The following NEK11 variants were observed in gnomAD, a reference collection of about 807,000 sequenced individuals.
The protein encoded by NEK11 is NIMA related kinase 11, also known as serine/threonine-protein kinase Nek11.
A neutral mutation model predicts 80.7 loss-of-function variants in NEK11; 72 were observed. The ratio of observed to expected loss-of-function variants is 0.89; its 90% CI spans 0.74 to 1.08. The LOEUF (loss-of-function observed/expected upper bound fraction) is 1.08. Ranked by LOEUF, NEK11 falls within the 50% of genes least tolerant of loss-of-function variation. NEK11 has a pLI of 0.00. For synonymous variants in NEK11, 251 were observed against 260.7 expected (o/e 0.96, Z 0.36); for missense variants, 764 against 763.6 (o/e 1.00, Z -0.01).
intron 14 of NEK11, among the ~76,000 whole-genome samples, chr3:131,197,090 G>A (rs2094046938): frequency 6.6e-6 from 1 of 152,128 alleles, no homozygotes; most frequent in Admixed American, 6.5e-5. Context: ...TTGGTCAGGT[G>A]TGAGCTAAGT....
intron 16 of NEK11, among the ~76,000 whole-genome samples, chr3:131,254,242 A>G (rs1045418371): frequency 1.3e-5 from 2 of 152,208 alleles, no homozygotes; most frequent in African/African-American, 4.8e-5. Flanking sequence ...CTCTCTTCCA[A>G]TGAAAGTGGT....
At chr3:131,045,466 C>G (rs974876083) in intron 3 of NEK11, among the ~76,000 whole-genome samples, 1 of 152,058 alleles carries the variant, frequency 6.6e-6, no homozygotes, top group Non-Finnish European at 1.5e-5. Context: ...TTTGAGAGTT[C>G]CTTTTGGAGT....
chr3:131,204,126 A>T (rs1370034127), intron 14 of NEK11, among the ~76,000 whole-genome samples: 1 of 152,042 alleles, frequency 6.6e-6, no homozygotes, highest in African/African-American at 2.4e-5. Flanking sequence ...ATGCCTATGC[A>T]ATGAAGTCTC....
At chr3:131,155,173 T>C (rs1400012) in intron 10 of NEK11, 52 bp downstream of exon 10, 86,353 of 1,164,278 alleles carry the variant, frequency 0.074, 7,085 homozygotes, top group East Asian at 0.41. Flanking sequence ...ATGTTAAATG[T>C]ATTTGTCTTT....
intron 4 of NEK11, among the ~76,000 whole-genome samples, chr3:131,105,366 T>C (rs2079024897): frequency 6.6e-6 from 1 of 152,196 alleles, no homozygotes; most frequent in Admixed American, 6.5e-5. Context: ...TTTAGAAAAA[T>C]TTATAAATAG....
intron 17 of NEK11, among the ~76,000 whole-genome samples, chr3:131,306,286 A>G (rs376906839): frequency 1.3e-5 from 2 of 152,030 alleles, no homozygotes; most frequent in African/African-American, 4.8e-5. Flanking sequence ...TTTTGTTTTG[A>G]TAACCAAACA....
intron 5 of NEK11, among the ~76,000 whole-genome samples, chr3:131,121,075 A>G (rs1424213327): frequency 1.3e-5 from 2 of 151,980 alleles, no homozygotes; most frequent in Non-Finnish European, 2.9e-5. Context: ...GATTTTTAGA[A>G]TTTTCAGCAT....
chr3:131,125,319 C>A (rs1192497202), intron 5 of NEK11, among the ~76,000 whole-genome samples: 1 of 152,132 alleles, frequency 6.6e-6, no homozygotes, highest in Non-Finnish European at 1.5e-5. Context: ...GGCCTGAACA[C>A]TTTACAAAGG....
chr3:131,118,441 T>G (rs2081708071), intron 5 of NEK11, among the ~76,000 whole-genome samples: 2 of 152,198 alleles, frequency 1.3e-5, no homozygotes, highest in Non-Finnish European at 2.9e-5. Flanking sequence ...TTCTCTTTTT[T>G]TGTTGTGTGT....
In NEK11 at chr3:131,136,609, A is replaced by G. The variant is rs1446090494; in HGVS notation, c.647+2653A>G. Among the ~76,000 whole-genome samples, 37 of 152,206 alleles carry G rather than the reference A, an allele frequency of 2.4e-4. 1 individual carries two copies. The highest frequency in any genetic ancestry group is 2.4e-5 in the African/African-American group (1 of 41,456). ...CATCTGTAATGTTTGCCCATATGTAACATTATCTTCATTCTGCAATCTGTT... is the reference window on the plus strand; with the variant it reads ...CATCTGTAATGTTTGCCCATATGTAGCATTATCTTCATTCTGCAATCTGTT... On this transcript the variant is annotated intron_variant, in intron 7 of 17. Transcript: ENST00000383366.
chr3:131,108,326 C>T (rs2079522458), intron 4 of NEK11, among the ~76,000 whole-genome samples: 1 of 152,168 alleles, frequency 6.6e-6, no homozygotes, highest in African/African-American at 2.4e-5. Flanking sequence ...AACAACAACT[C>T]TGTCATGAGT....
At chr3:131,130,496 A>T (rs1161292307) in intron 5 of NEK11, among the ~76,000 whole-genome samples, 1 of 152,114 alleles carries the variant, frequency 6.6e-6, no homozygotes, top group Non-Finnish European at 1.5e-5. Context: ...ATTAGAGGGG[A>T]CATTTTTCCC....
chr3:131,262,988 T>G (rs1294660876), intron 16 of NEK11, among the ~76,000 whole-genome samples: 1 of 152,156 alleles, frequency 6.6e-6, no homozygotes, highest in Non-Finnish European at 1.5e-5. Context: ...GCAGAGGAAA[T>G]GAACTCATCC....
intron 16 of NEK11, among the ~76,000 whole-genome samples, chr3:131,247,274 C>A (rs1374205606): frequency 2.0e-5 from 3 of 152,080 alleles, no homozygotes; most frequent in Non-Finnish European, 4.4e-5. Flanking sequence ...AGTCTTTGAT[C>A]CATCTTCAGT....
chr3:131,046,670 T>G (rs551001366), intron 3 of NEK11, among the ~76,000 whole-genome samples: 162 of 152,310 alleles, frequency 1.1e-3, no homozygotes, highest in African/African-American at 3.8e-3. Flanking sequence ...CCATGTTGGT[T>G]TGCTGCACCT....
In NEK11 at chr3:131,245,037, G is replaced by T. The variant is rs75521508; in HGVS notation, c.1621+1541G>T. ...TGGGCTTTTGGTGTAATCATCACCTGAATATGGTACATTATACCCATTAAG... is the reference window on the plus strand; with the variant it reads ...TGGGCTTTTGGTGTAATCATCACCTTAATATGGTACATTATACCCATTAAG... On this transcript the variant is annotated intron_variant, in intron 16 of 17. Coordinates refer to ENST00000383366, the MANE Select transcript of NEK11 (RefSeq NM_024800.5). Among the ~76,000 whole-genome samples the T allele has an allele frequency of 6.1e-3, 925 of 152,106 alleles. 9 individuals carry two copies. The highest frequency in any genetic ancestry group is 0.021 in the African/African-American group (874 of 41,508).
At chr3:131,087,788 CT>C (rs2076204463) in intron 4 of NEK11, among the ~76,000 whole-genome samples, 1 of 152,114 alleles carries the variant, frequency 6.6e-6, no homozygotes, top group South Asian at 2.1e-4. Flanking sequence ...TCAGAGGGTC[CT>C]TGTAGAACTT....
intron 16 of NEK11, among the ~76,000 whole-genome samples, chr3:131,263,828 C>T (rs904010816): frequency 1.3e-5 from 2 of 152,296 alleles, no homozygotes; most frequent in Non-Finnish European, 2.9e-5. Flanking sequence ...TACAGTCCCA[C>T]CAACAGTGTA....
intron 17 of NEK11, among the ~76,000 whole-genome samples, chr3:131,334,165 A>G (rs1364646125): frequency 1.3e-5 from 2 of 152,136 alleles, no homozygotes; most frequent in Non-Finnish European, 2.9e-5. Flanking sequence ...CAGAATATAC[A>G]TTTTTTTCAG....
Sources: allele counts gnomAD v4.1 joint callset (sites outside exome capture counted in the v4.1 genomes callset), GRCh38; gene constraint gnomAD v4.1.1; transcripts MANE v1.5; gene names NCBI Gene and HGNC (gene_info 2026-07-23, HGNC 2026-07-21).